The following UCK1 variants were observed in gnomAD, a reference collection of about 807,000 sequenced individuals.
The protein encoded by UCK1 is uridine-cytidine kinase 1.
Under a neutral mutation model 34.0 loss-of-function variants are expected in UCK1, and 20 were observed. The observed-to-expected ratio is 0.59, with a 90% CI of 0.41 to 0.86. The LOEUF (loss-of-function observed/expected upper bound fraction) is 0.86, where lower values mean the gene tolerates loss of function less well. Among genes scored for constraint, UCK1 ranks in the 40% least tolerant of loss-of-function variants. The pLI is 0.00. For missense variants in UCK1, 343 were observed against 383.6 expected, an observed-to-expected ratio of 0.89 and a Z score of 0.88; for synonymous variants, 168 against 155.9, an observed-to-expected ratio of 1.08 and a Z score of -0.58.
chr9:131,530,953 G>A (rs1588541205), intron 1 of UCK1, 114 bp downstream of exon 1: 2 of 1,036,608 alleles, frequency 1.9e-6, no homozygotes, highest in East Asian at 6.6e-5. Context: ...TCGCTCCCGC[G>A]CCCTGCCCCT....
At chr9:131,526,499 C>T in intron 5 of UCK1, 1 of 1,289,588 alleles carries the variant, frequency 7.8e-7, no homozygotes, top group Non-Finnish European at 1.0e-6. Context: ...CTGTCAGATG[C>T]TCTGCTGCTG....
chr9:131,526,239 C>CACT (rs1950599061), intron 5 of UCK1: 3 of 663,118 alleles, frequency 4.5e-6, no homozygotes, highest in Non-Finnish European at 7.6e-6. Context: ...AGAAGACAGC[C>CACT]CCCTTCCAGT....
At chr9:131,525,518 G>A (rs1950565721) in intron 6 of UCK1, among the ~76,000 whole-genome samples, 1 of 152,158 alleles carries the variant, frequency 6.6e-6, no homozygotes, top group South Asian at 2.1e-4. Flanking sequence ...TTACTTTACT[G>A]CCTAGGCTGG....
chr9:131,525,577 C>G (rs1950568926), intron 6 of UCK1, among the ~76,000 whole-genome samples: 1 of 152,204 alleles, frequency 6.6e-6, no homozygotes, highest in Non-Finnish European at 1.5e-5. Flanking sequence ...CTCCCAGGCT[C>G]AAGCAATCCT....
At chr9:131,526,719 G>T (rs1009081781) in intron 5 of UCK1, among the ~76,000 whole-genome samples, 1 of 152,218 alleles carries the variant, frequency 6.6e-6, no homozygotes, top group African/African-American at 2.4e-5. Flanking sequence ...GTGTGGATTT[G>T]GGTCAAGAAG....
intron 5 of UCK1, 178 bp from the exon 6 acceptor site, chr9:131,526,155 C>T: frequency 1.3e-6 from 1 of 765,826 alleles, no homozygotes; most frequent in Non-Finnish European, 2.1e-6. Flanking sequence ...AGGCCATGAT[C>T]CAAGAAGTGA....
At chr9:131,528,520 G>T (rs1350458302) in intron 5 of UCK1, among the ~76,000 whole-genome samples, 1 of 152,186 alleles carries the variant, frequency 6.6e-6, no homozygotes. Context: ...CCAGATCCCG[G>T]CCTTGGCAGT....
intron 5 of UCK1, among the ~76,000 whole-genome samples, chr9:131,527,244 C>T: frequency 6.6e-6 from 1 of 151,948 alleles, no homozygotes; most frequent in East Asian, 1.9e-4. Flanking sequence ...GGGAGGATCA[C>T]TTGAGAGTGG....
At chr9:131,525,829 C>G in intron 6 of UCK1, 100 bp downstream of exon 6, 1 of 1,267,922 alleles carries the variant, frequency 7.9e-7, no homozygotes, top group African/African-American at 1.5e-5. Flanking sequence ...TGGCAGGCCG[C>G]GTGCGCAGGG....
At chr9:131,527,628 G>C (rs1174141743) in intron 5 of UCK1, among the ~76,000 whole-genome samples, 1 of 152,090 alleles carries the variant, frequency 6.6e-6, no homozygotes, top group Non-Finnish European at 1.5e-5. Context: ...TGTAATCTCA[G>C]CACTTTGGGA....
chr9:131,530,379 C>A, intron 2 of UCK1, 107 bp downstream of exon 2: 1 of 1,366,138 alleles, frequency 7.3e-7, no homozygotes, highest in Non-Finnish European at 1.0e-6. Context: ...GTTGGGGGAA[C>A]AGCCCAAGCG....
chr9:131,530,919 G>A (rs1950818276), intron 1 of UCK1, 148 bp downstream of exon 1: 7 of 715,802 alleles, frequency 9.8e-6, no homozygotes, highest in African/African-American at 6.1e-5. Flanking sequence ...AGCCCGCCCC[G>A]GCCCATCGCG....
At chr9:131,526,102 C>A in intron 5 of UCK1, 125 bp from the exon 6 acceptor site, 1 of 1,081,062 alleles carries the variant, frequency 9.3e-7, no homozygotes, top group South Asian at 1.3e-5. Context: ...CTGGTGTCAT[C>A]GGCAAATGGG....
chr9:131,530,433 C>T (rs1285952183), intron 2 of UCK1, 53 bp downstream of exon 2: 13 of 1,601,368 alleles, frequency 8.1e-6, no homozygotes, highest in African/African-American at 1.3e-5. Context: ...AGCTGGTTAG[C>T]GGCCGCCCAG....
intron 2 of UCK1, 81 bp from the exon 3 acceptor site, chr9:131,529,665 A>G: frequency 7.5e-7 from 1 of 1,340,176 alleles, no homozygotes. Context: ...CTCTGGGGTC[A>G]GCACAGCTGG....
chr9:131,527,320 CCT>C (rs1187673767), intron 5 of UCK1, among the ~76,000 whole-genome samples: 1 of 151,842 alleles, frequency 6.6e-6, no homozygotes, highest in Non-Finnish European at 1.5e-5. Context: ...AGAGGGAGAC[CCT>C]GTCTCAAAAA....
In UCK1 at chr9:131,531,197, C is replaced by G. The variant is rs1055030536; in HGVS notation, c.-23G>C. 6.4e-5 allele frequency: 88 copies of G among 1,372,994 alleles called. No homozygotes were observed. The highest frequency in any genetic ancestry group is 7.9e-5 in the Non-Finnish European group (84 of 1,065,212). The allele number at this position is 1,372,994 out of a possible 1,614,324, so 85.1% of individuals were successfully genotyped here. ...CATCTCGGCCTCCGCTCCCGCGCAT[C>G]GGGTCCCCGCGCCCGCCCCTTCCCC... On this transcript the variant is annotated 5_prime_UTR_variant, in exon 1 of 7. Coordinates refer to ENST00000372215, the MANE Select transcript of UCK1 (RefSeq NM_031432.5).
At position 131,528,932 on chromosome 9, in the gene UCK1, G is replaced by C. The variant is rs750560692; in HGVS notation, c.603+12C>G. 2 of 1,613,766 alleles carry C rather than the reference G, an allele frequency of 1.2e-6. No individual in the cohort carries two copies. The highest frequency in any genetic ancestry group is 1.7e-5 in the Admixed American group (1 of 59,998). On this transcript the variant is annotated intron_variant, in intron 5 of 6. Coordinates refer to ENST00000372215, the MANE Select transcript of UCK1 (RefSeq NM_031432.5). The stretch of plus-strand genomic sequence containing the variant: ...AGGGGAAAATGGGCTCTGAAGCAGC[G>C]AGCACAGGTACCGGCAGGCAGAACT...
In UCK1 at chr9:131,526,434, T is replaced by C. The variant is rs1046113613; in HGVS notation, c.604-457A>G. The C allele has an allele frequency of 7.0e-6, 9 of 1,291,606 alleles. No individual in the cohort carries two copies. In the African/African-American group the frequency reaches 9.1e-5, roughly 13 times the overall value. The allele number at this position is 1,291,606 out of a possible 1,614,324, so 80.0% of individuals were successfully genotyped here. ...TAATTACTGCAGGCAGAGACGCTGA[T>C]GGTAACTTACTCCCTCATCCAACCA... On this transcript the variant is annotated intron_variant, in intron 5 of 6. Transcript: ENST00000372215.
Sources: gnomAD v4.1 joint callset for allele counts (sites outside exome capture counted in the v4.1 genomes callset) on GRCh38, gnomAD v4.1.1 for gene constraint, MANE v1.5 for transcripts, NCBI Gene and HGNC (gene_info 2026-07-23, HGNC 2026-07-21) for gene names.